Variants in CEP95 observed in about 807,000 individuals in gnomAD.
CEP95 encodes the protein centrosomal protein 95.
In CEP95, 98 loss-of-function variants were observed where a neutral mutation model predicts 111.2. The ratio of observed to expected loss-of-function variants is 0.88; its 90% CI spans 0.75 to 1.04. The LOEUF (loss-of-function observed/expected upper bound fraction) is 1.04. CEP95 is among the 50% of genes least tolerant of loss of function. The probability of loss-of-function intolerance (pLI) is 0.00; values close to 1 mark genes in which losing one functional copy is unlikely to be tolerated. For missense variants in CEP95, 1,027 were observed against 977.2 expected (o/e 1.05, Z -0.68); for synonymous variants, 323 against 327.1 (o/e 0.99, Z 0.14).
In CEP95 at chr17:64,521,925, C is replaced by T. The variant is rs558643370; in HGVS notation, c.715+398C>T. Among the ~76,000 whole-genome samples, 14 of 152,040 alleles carry T rather than the reference C, an allele frequency of 9.2e-5. No homozygotes were observed. The South Asian group carries it at 2.5e-3, about 27-fold the overall frequency. On this transcript the variant is annotated intron_variant, in intron 7 of 19. Coordinates refer to ENST00000556440, the MANE Select transcript of CEP95 (RefSeq NM_138363.3). ...AGGCTGGAGTGCAGTGGCATGATCT[C>T]GGCTCACTGCAACCTCCGCCTCCTG...
chr17:64,512,294 A>C (rs1555675348), intron 3 of CEP95, among the ~76,000 whole-genome samples: 1 of 152,246 alleles, frequency 6.6e-6, no homozygotes, highest in African/African-American at 2.4e-5. Flanking sequence ...GATTGCTTCC[A>C]ACAAAGGGAA....
intron 6 of CEP95, among the ~76,000 whole-genome samples, chr17:64,520,848 T>G (rs574298937): frequency 5.9e-5 from 9 of 152,346 alleles, no homozygotes; most frequent in African/African-American, 1.9e-4. Flanking sequence ...TCTATTTTTC[T>G]AAAGCTAAAT....
chr17:64,536,706 C>A lies in CEP95; in HGVS notation c.2175C>A (p.His725Gln). The change falls in exon 18 of 20, where the codon CAC becomes CAA. Residue 725 changes from histidine to glutamine, a missense_variant. His to Gln is a conservative substitution (Grantham distance 24). Transcript: ENST00000556440. Reference sequence around the variant, plus strand: ...AGCGAGATGAACAAAGGAGACGCCACCAGGATGAACTGGACTCCATGGAGA... The same window carrying A: ...AGCGAGATGAACAAAGGAGACGCCAACAGGATGAACTGGACTCCATGGAGA... ...KEKRDEQRRR[H>Q]QDELDSMENY... 1 of 1,612,692 alleles carries A rather than the reference C, an allele frequency of 6.2e-7. No homozygotes were observed. Among genetic ancestry groups the A allele is most frequent in the South Asian group, 1.1e-5 (1 of 90,748 alleles).
rs1175873318 is a variant in CEP95 at position 64,522,642 on chromosome 17, T to C, written c.716-60T>C. 8 of 1,163,660 alleles carry C rather than the reference T, an allele frequency of 6.9e-6. No homozygotes were observed. The Admixed American group carries it at 1.6e-4, about 23-fold the overall frequency. The allele number at this position is 1,163,660 out of a possible 1,614,324, so 72.1% of individuals were successfully genotyped here. ...GTTTATATAGGTATGTATGTATGTA[T>C]ATAAAATGGTTTATTTCTTAGAATT... On this transcript the variant is annotated intron_variant, in intron 7 of 19. Coordinates refer to ENST00000556440, the MANE Select transcript of CEP95 (RefSeq NM_138363.3).
intron 1 of CEP95, 196 bp from the exon 2 acceptor site, chr17:64,508,396 T>C (rs1164490443): frequency 1.0e-6 from 1 of 984,090 alleles, no homozygotes; most frequent in Non-Finnish European, 1.2e-6. Flanking sequence ...CTGGAAATCA[T>C]CCCAAGAAAT....
chr17:64,526,260 A>G (rs1555679102), intron 10 of CEP95, 60 bp downstream of exon 10: 1 of 1,479,436 alleles, frequency 6.8e-7, no homozygotes, highest in Non-Finnish European at 9.1e-7. Flanking sequence ...CATTTAAGTA[A>G]TCTCTCAATT....
At chr17:64,518,741 T>G (rs1343878306) in intron 5 of CEP95, among the ~76,000 whole-genome samples, 2 of 151,874 alleles carry the variant, frequency 1.3e-5, no homozygotes, top group African/African-American at 2.4e-5. Flanking sequence ...AGTGCAGTGG[T>G]GCAATCTCGG....
At position 64,532,098 on chromosome 17, in the gene CEP95, A is replaced by C. The variant is rs1220662507; in HGVS notation, c.1672+76A>C. 5 of 1,417,640 alleles carry C rather than the reference A, an allele frequency of 3.5e-6. No homozygotes were observed. The African/African-American group carries it at 4.4e-5, about 12-fold the overall frequency. 87.8% of individuals were successfully genotyped at this position (1,417,640 alleles called of 1,614,324 possible). A position where few individuals can be genotyped will look rare whatever the true frequency, so the allele number is the denominator to read the frequency against. On this transcript the variant is annotated intron_variant, in intron 14 of 19. Coordinates refer to ENST00000556440, the MANE Select transcript of CEP95 (RefSeq NM_138363.3). ...ATGTGCAACATTCCAAGGACACAGCACTGAAAGCTAACATCCACCAGTTAG... is the reference window on the plus strand; with the variant it reads ...ATGTGCAACATTCCAAGGACACAGCCCTGAAAGCTAACATCCACCAGTTAG...
chr17:64,528,542 T>G (rs887298819), intron 11 of CEP95, among the ~76,000 whole-genome samples: 3 of 152,344 alleles, frequency 2.0e-5, no homozygotes, highest in African/African-American at 2.4e-5. Context: ...TTAAAATAGA[T>G]TATGCAAGTC....
intron 5 of CEP95, 112 bp from the exon 6 acceptor site, chr17:64,519,208 AG>A (rs1175191651): frequency 3.0e-6 from 2 of 672,900 alleles, no homozygotes; most frequent in East Asian, 5.0e-5. Context: ...AGACATGCTA[AG>A]CAGCAAAAGG....
At position 64,521,409 on chromosome 17, in the gene CEP95, A is replaced by G. The variant is rs1368051419; in HGVS notation, c.597A>G (p.Gln199=). Residue 199 remains glutamine (Q), a synonymous_variant, in exon 7 of 20, where the codon CAA becomes CAG. Coordinates refer to ENST00000556440, the MANE Select transcript of CEP95 (RefSeq NM_138363.3). ...HTFSLRSNGA[Q]CPNEMLSKKA... ...TAATATTTTCTTTCCTAGGTGCTCA[A>G]TGTCCTAATGAAATGCTGTCTAAAA... 7 of 1,609,118 alleles carry G rather than the reference A, an allele frequency of 4.4e-6. No homozygotes were observed. The highest frequency in any genetic ancestry group is 1.3e-5 in the African/African-American group (1 of 74,796).
At chr17:64,516,162 A>G (rs546653076) in intron 4 of CEP95, 1 of 152,378 alleles carries the variant, frequency 6.6e-6, no homozygotes, top group South Asian at 2.1e-4. Context: ...AGACATGGGC[A>G]TGAGAATATC....
chr17:64,519,505 G>A, intron 6 of CEP95, 69 bp downstream of exon 6: 1 of 1,173,152 alleles, frequency 8.5e-7, no homozygotes, highest in Non-Finnish European at 1.3e-6. Context: ...ATGGTATGTA[G>A]GAGTGTTTAA....
Position 64,530,913 on chromosome 17 carries a change from T to A in CEP95, c.1447-13T>A. 1 of 1,486,640 alleles carries A rather than the reference T, an allele frequency of 6.7e-7. No homozygotes were observed. 92.1% of individuals were successfully genotyped at this position (1,486,640 alleles called of 1,614,324 possible). On this transcript the variant is annotated splice_polypyrimidine_tract_variant and intron_variant, in intron 12 of 19. Transcript: ENST00000556440. ...TTTTTAATAACTGTAATATATGACCTTTTCCCCTTTAGGCGTTTACTGAAG... is the reference window on the plus strand; with the variant it reads ...TTTTTAATAACTGTAATATATGACCATTTCCCCTTTAGGCGTTTACTGAAG...
intron 4 of CEP95, among the ~76,000 whole-genome samples, chr17:64,515,207 CTTG>C (rs1555676081): frequency 6.6e-6 from 1 of 152,120 alleles, no homozygotes; most frequent in African/African-American, 2.4e-5. Flanking sequence ...TTCCAAGCTG[CTTG>C]TCATGTTGAT....
chr17:64,507,292 C>G (rs1334115158), intron 1 of CEP95, 176 bp downstream of exon 1: 2 of 1,467,306 alleles, frequency 1.4e-6, no homozygotes, highest in African/African-American at 1.4e-5. Flanking sequence ...CTCTTCGCTT[C>G]GAGGCCGTGG....
chr17:64,537,116 A>ATAAT lies in CEP95; in HGVS notation c.2289+8_2289+11dup, dbSNP rs1259782133. The ATAAT allele has an allele frequency of 1.9e-6, 3 of 1,610,496 alleles. No individual in the cohort carries two copies. Among genetic ancestry groups the ATAAT allele is most frequent in the East Asian group, 2.2e-5 (1 of 44,756 alleles). ...CAGAGAGAAATCTCAGGCCCAGGTA[A>ATAAT]TAATTAAGATAGAAGCCAAGTCATG... is the stretch of plus-strand genomic sequence containing the variant. On this transcript the variant is annotated splice_donor_region_variant and intron_variant, in intron 19 of 19. Coordinates refer to ENST00000556440, the MANE Select transcript of CEP95 (RefSeq NM_138363.3).
At chr17:64,527,887 TATATAC>T (rs1177709933) in intron 11 of CEP95, among the ~76,000 whole-genome samples, 40 of 144,758 alleles carry the variant, frequency 2.8e-4, no homozygotes, top group African/African-American at 8.7e-4. Context: ...TATATATATA[TATATAC>T]ACACACACAC....
At chr17:64,531,217 C>T (rs1968255489) in intron 13 of CEP95, 199 bp downstream of exon 13, 1 of 391,148 alleles carries the variant, frequency 2.6e-6, no homozygotes, top group South Asian at 7.2e-5. Context: ...AGACATGGTT[C>T]CAAAGAAAAG....
Sources: gnomAD v4.1 joint callset for allele counts (sites outside exome capture counted in the v4.1 genomes callset) on GRCh38, gnomAD v4.1.1 for gene constraint, MANE v1.5 for transcripts, NCBI Gene and HGNC (gene_info 2026-07-23, HGNC 2026-07-21) for gene names.